The following RABGAP1L variants were observed in gnomAD, a reference collection of about 807,000 sequenced individuals.
RABGAP1L encodes rab GTPase-activating protein 1-like.
A neutral mutation model predicts 137.7 loss-of-function variants in RABGAP1L; 63 were observed. The observed-to-expected ratio is 0.46, with a 90% CI of 0.37 to 0.56. RABGAP1L has a LOEUF of 0.56. RABGAP1L is among the 20% of genes least tolerant of loss of function. The probability of loss-of-function intolerance (pLI) is 0.00; values close to 1 mark genes in which losing one functional copy is unlikely to be tolerated. For synonymous variants in RABGAP1L, 431 were observed against 433.7 expected, an observed-to-expected ratio of 0.99 and a Z score of 0.08; for missense variants, 1,095 against 1,244.0, an observed-to-expected ratio of 0.88 and a Z score of 1.80.
At chr1:174,344,376 A>C (rs188148562) in intron 11 of RABGAP1L, among the ~76,000 whole-genome samples, 1 of 152,142 alleles carries the variant, frequency 6.6e-6, no homozygotes, top group South Asian at 2.1e-4. Flanking sequence ...TTTCGTTCTC[A>C]TAAGTAGTTG....
chr1:174,565,034 A>T (rs1048669483), intron 13 of RABGAP1L, among the ~76,000 whole-genome samples: 2 of 152,200 alleles, frequency 1.3e-5, no homozygotes, highest in African/African-American at 4.8e-5. Flanking sequence ...AATTCTTTTT[A>T]AAAGGACAGA....
intron 13 of RABGAP1L, among the ~76,000 whole-genome samples, chr1:174,576,915 G>A (rs886370184): frequency 5.3e-5 from 8 of 152,146 alleles, no homozygotes; most frequent in Non-Finnish European, 1.0e-4. Flanking sequence ...GGGTGCAGTG[G>A]CTCATGCCTG....
intron 14 of RABGAP1L, among the ~76,000 whole-genome samples, chr1:174,673,121 C>T (rs181075765): frequency 1.3e-5 from 2 of 152,178 alleles, no homozygotes; most frequent in African/African-American, 2.4e-5. Flanking sequence ...AGCTCACATA[C>T]ACCCATAGCT....
Position 174,250,490 on chromosome 1 carries a change from TAC to T in RABGAP1L, c.735_736del (p.Tyr245Ter). ...ATTCTTTTAGGTAAGCAGAATTTTG[TAC>T]AGTTTCTGTACAGCATTCAAACGTT... ...EIKEAVSRIL[Y>X]SFCTAFKRSS... is the part of the protein sequence containing the mutation. On this transcript the variant is annotated frameshift_variant, in exon 6 of 26. Transcript: ENST00000681986. LOFTEE classifies it high-confidence loss of function. The T allele has an allele frequency of 6.2e-7, 1 of 1,605,582 alleles. No individual in the cohort carries two copies. The highest frequency in any genetic ancestry group is 8.5e-7 in the Non-Finnish European group (1 of 1,175,914).
chr1:174,749,684 G>C (rs1157647285), intron 17 of RABGAP1L, among the ~76,000 whole-genome samples: 3 of 152,042 alleles, frequency 2.0e-5, no homozygotes, highest in African/African-American at 7.3e-5. Flanking sequence ...GAAGTCTTAT[G>C]GGTAACCACT....
At chr1:174,527,541 T>C (rs1048589364) in intron 13 of RABGAP1L, among the ~76,000 whole-genome samples, 1 of 152,200 alleles carries the variant, frequency 6.6e-6, no homozygotes, top group Non-Finnish European at 1.5e-5. Flanking sequence ...TTGAGACTTG[T>C]TTTGTGCCCT....
At chr1:174,336,436 A>G (rs722893) in intron 11 of RABGAP1L, among the ~76,000 whole-genome samples, 2 of 152,184 alleles carry the variant, frequency 1.3e-5, no homozygotes, top group East Asian at 1.9e-4. Flanking sequence ...AAAATTGTTT[A>G]TACTTGGATG....
intron 11 of RABGAP1L, among the ~76,000 whole-genome samples, chr1:174,306,731 T>C (rs72713519): frequency 0.029 from 4,402 of 152,222 alleles, 97 homozygotes; most frequent in Non-Finnish European, 0.047. Context: ...ATCTGCTCTA[T>C]TTACTACATG....
chr1:174,764,082 C>CT (rs1043519681), intron 18 of RABGAP1L, among the ~76,000 whole-genome samples: 1 of 152,134 alleles, frequency 6.6e-6, no homozygotes, highest in African/African-American at 2.4e-5. Context: ...TTGTGACTGG[C>CT]TTTTTTTCCT....
At chr1:174,201,985 C>T (rs1668143226) in intron 1 of RABGAP1L, among the ~76,000 whole-genome samples, 1 of 152,048 alleles carries the variant, frequency 6.6e-6, no homozygotes, top group Admixed American at 6.6e-5. Flanking sequence ...ATGAACTCAT[C>T]ATTTTTTATG....
chr1:174,351,985 T>C (rs1260867313), intron 11 of RABGAP1L, among the ~76,000 whole-genome samples: 4 of 152,038 alleles, frequency 2.6e-5, no homozygotes. Flanking sequence ...TGCTTTTGTA[T>C]TTTTAGTAGA....
At chr1:174,500,746 T>C (rs951522964) in intron 13 of RABGAP1L, among the ~76,000 whole-genome samples, 3 of 152,162 alleles carry the variant, frequency 2.0e-5, no homozygotes. Context: ...CATAATTTCT[T>C]ATTTCATAGC....
intron 13 of RABGAP1L, among the ~76,000 whole-genome samples, chr1:174,618,202 C>T (rs1020126208): frequency 3.9e-5 from 6 of 152,204 alleles, no homozygotes; most frequent in Admixed American, 2.6e-4. Flanking sequence ...CCTCTGTAGA[C>T]TCCACCTCTG....
chr1:174,232,136 A>G (rs1345928351), intron 4 of RABGAP1L, among the ~76,000 whole-genome samples: 1 of 152,210 alleles, frequency 6.6e-6, no homozygotes, highest in Non-Finnish European at 1.5e-5. Flanking sequence ...ATTAGACTGG[A>G]AAGAAGCAAA....
At chr1:174,613,680 G>A (rs1248788132) in intron 13 of RABGAP1L, among the ~76,000 whole-genome samples, 1 of 152,114 alleles carries the variant, frequency 6.6e-6, no homozygotes, top group South Asian at 2.1e-4. Flanking sequence ...CATTATTATT[G>A]TGTGGGAGTC....
intron 17 of RABGAP1L, among the ~76,000 whole-genome samples, chr1:174,711,162 G>A (rs544523088): frequency 1.7e-4 from 26 of 151,734 alleles, no homozygotes; most frequent in Non-Finnish European, 3.2e-4. Context: ...ACGCCCACCC[G>A]GAACTCACGC....
chr1:174,344,739 A>C (rs1032827836), intron 11 of RABGAP1L, among the ~76,000 whole-genome samples: 6 of 152,184 alleles, frequency 3.9e-5, no homozygotes, highest in Non-Finnish European at 8.8e-5. Context: ...AATAAGGAAA[A>C]TATGTATGAA....
intron 11 of RABGAP1L, among the ~76,000 whole-genome samples, chr1:174,321,741 T>C (rs902872469): frequency 6.6e-6 from 1 of 152,248 alleles, no homozygotes; most frequent in African/African-American, 2.4e-5. Flanking sequence ...TCAGTTGCTC[T>C]ATACCCTTGT....
intron 13 of RABGAP1L, among the ~76,000 whole-genome samples, chr1:174,542,267 C>T (rs1215431751): frequency 2.0e-5 from 3 of 152,186 alleles, no homozygotes; most frequent in African/African-American, 7.2e-5. Context: ...GCCTCAATTT[C>T]AGAGCCTTTT....
Sources: allele counts gnomAD v4.1 joint callset (sites outside exome capture counted in the v4.1 genomes callset), GRCh38; gene constraint gnomAD v4.1.1; transcripts MANE v1.5; gene names NCBI Gene and HGNC (gene_info 2026-07-23, HGNC 2026-07-21).